Variants in PAN3 observed in about 807,000 individuals in gnomAD.
The protein encoded by PAN3 is poly(A) specific ribonuclease subunit PAN3.
A neutral mutation model predicts 96.2 loss-of-function variants in PAN3; 19 were observed. The ratio of observed to expected loss-of-function variants is 0.20; its 90% CI spans 0.14 to 0.29. PAN3 has a LOEUF of 0.29. PAN3 is among the 10% of genes least tolerant of loss of function. PAN3 has a pLI of 1.00. For missense variants in PAN3, 882 were observed against 1,108.1 expected, an observed-to-expected ratio of 0.80 and a Z score of 2.90; for synonymous variants, 433 against 406.6, an observed-to-expected ratio of 1.06 and a Z score of -0.78.
At position 28,146,620 on chromosome 13, in the gene PAN3, A is replaced by G. The variant is rs1870691849; in HGVS notation, c.430+7533A>G. On this transcript the variant is annotated intron_variant, in intron 1 of 18. Transcript: ENST00000380958. ...TGTTGCTTCTAGGCCACAAATTTGT[A>G]CAGCCTGTTACTGTACTGAATACTT... Among the ~76,000 whole-genome samples, 3 of 152,302 alleles carry G rather than the reference A, an allele frequency of 2.0e-5. No homozygotes were observed. The South Asian group carries it at 6.2e-4, about 32-fold the overall frequency.
intron 6 of PAN3, among the ~76,000 whole-genome samples, chr13:28,229,280 A>G (rs1044693259): frequency 6.6e-6 from 1 of 152,216 alleles, no homozygotes; most frequent in African/African-American, 2.4e-5. Flanking sequence ...AGCAGCTGCA[A>G]TAACTGATTT....
chr13:28,138,856 C>G lies in PAN3; in HGVS notation c.199C>G (p.Leu67Val), dbSNP rs757928675. 1 of 1,426,722 alleles carries G rather than the reference C, an allele frequency of 7.0e-7. No homozygotes were observed. The highest frequency in any genetic ancestry group is 1.5e-5 in the African/African-American group (1 of 67,490). The allele number at this position is 1,426,722 out of a possible 1,614,324, so 88.4% of individuals were successfully genotyped here. The change falls in exon 1 of 19, where the codon CTG becomes GTG. Residue 67 changes from leucine (L) to valine (V), a missense_variant. Physicochemically the swap from Leu to Val is conservative, Grantham distance 32. Around this residue, in one of 3 missense-constraint regions of PAN3, gnomAD observed 442 missense variants for 422.8 expected, o/e 1.05. Coordinates refer to ENST00000380958, the MANE Select transcript of PAN3 (RefSeq NM_175854.8). ...CTTCTACGGGGAGGAGTGTCAGTTC[C>G]TGCATGAGGACCCTGCCGCCGGGGC... ...TCFYGEECQFLHEDPAAGAAP... is the reference protein window; with the variant it reads ...TCFYGEECQFVHEDPAAGAAP...
chr13:28,230,428 A>C (rs530322954), intron 6 of PAN3, among the ~76,000 whole-genome samples: 1 of 152,130 alleles, frequency 6.6e-6, no homozygotes, highest in East Asian at 1.9e-4. Flanking sequence ...GAAAAAAAAA[A>C]CAACCCTATG....
At chr13:28,166,872 A>G (rs1224066526) in intron 1 of PAN3, among the ~76,000 whole-genome samples, 3 of 152,116 alleles carry the variant, frequency 2.0e-5, no homozygotes, top group African/African-American at 7.2e-5. Flanking sequence ...AAGGGAGCAG[A>G]GATGTGAGGC....
chr13:28,232,635 TA>T (rs899843586), intron 6 of PAN3: 4 of 151,774 alleles, frequency 2.6e-5, no homozygotes, highest in Non-Finnish European at 5.9e-5. Context: ...TTATAAAGAT[TA>T]AAAAATAAAA....
intron 1 of PAN3, among the ~76,000 whole-genome samples, chr13:28,162,647 A>T (rs1028906058): frequency 3.1e-5 from 4 of 128,256 alleles, no homozygotes; most frequent in Non-Finnish European, 1.5e-5. Context: ...ACTCTGCCTT[A>T]AAAAAAAAAA....
intron 5 of PAN3, among the ~76,000 whole-genome samples, chr13:28,209,407 C>T (rs1247372274): frequency 6.6e-6 from 1 of 152,228 alleles, no homozygotes; most frequent in East Asian, 1.9e-4. Flanking sequence ...AACTATTTTA[C>T]ATAAATAGCA....
Position 28,270,869 on chromosome 13 carries a change from A to G in PAN3, c.1958+3A>G. ...ATTCTGATAACTGGCAAAACAAGGTACTAGCATTTTGAGTTTTGGTTTCTT... is the reference window on the plus strand; with the variant it reads ...ATTCTGATAACTGGCAAAACAAGGTGCTAGCATTTTGAGTTTTGGTTTCTT... On this transcript the variant is annotated splice_donor_region_variant and intron_variant, in intron 13 of 18. Coordinates refer to ENST00000380958, the MANE Select transcript of PAN3 (RefSeq NM_175854.8). 1.2e-6 allele frequency: 2 copies of G among 1,612,426 alleles called. No individual in the cohort carries two copies. The highest frequency in any genetic ancestry group is 1.7e-6 in the Non-Finnish European group (2 of 1,178,916).
At position 28,138,583 on chromosome 13, in the gene PAN3, C is replaced by T. The variant is rs1869094104; in HGVS notation, c.-75C>T. The T allele has an allele frequency of 8.8e-6, 4 of 452,818 alleles. No individual in the cohort carries two copies. Among genetic ancestry groups the T allele is most frequent in the East Asian group, 3.7e-5 (1 of 26,924 alleles). The allele number at this position is 452,818 out of a possible 1,614,324, so 28.1% of individuals were successfully genotyped here. A position where few individuals can be genotyped will look rare whatever the true frequency, so the allele number is the denominator to read the frequency against. On this transcript the variant is annotated 5_prime_UTR_variant, in exon 1 of 19. Transcript: ENST00000380958. ...TTTATCCGGCACCGGCAGCGTCTTC[C>T]TTTCCTCCCCCGTCTATGGTGGTGG...
chr13:28,219,275 T>C (rs1881130263), intron 5 of PAN3, among the ~76,000 whole-genome samples: 1 of 152,218 alleles, frequency 6.6e-6, no homozygotes, highest in African/African-American at 2.4e-5. Context: ...CTAGTGTATT[T>C]TAATTAAGCC....
chr13:28,178,023 A>G (rs1250672061), intron 4 of PAN3, 88 bp downstream of exon 4: 2 of 1,198,972 alleles, frequency 1.7e-6, no homozygotes, highest in African/African-American at 3.0e-5. Flanking sequence ...TGTTTTTGTA[A>G]GTGGAGGGAG....
chr13:28,139,221 T>A, intron 1 of PAN3, 134 bp downstream of exon 1: 1 of 1,041,530 alleles, frequency 9.6e-7, no homozygotes, highest in Non-Finnish European at 1.2e-6. Flanking sequence ...CTGAGAGGCC[T>A]AGGCCGGGCC....
At chr13:28,223,554 T>TTTTTTTG (rs970707089) in intron 6 of PAN3, among the ~76,000 whole-genome samples, 2 of 152,030 alleles carry the variant, frequency 1.3e-5, no homozygotes, top group Non-Finnish European at 2.9e-5. Context: ...CCACTGTTTT[T>TTTTTTTG]TTTTTTGTTT....
rs1219303444 is a variant in PAN3 at position 28,266,882 on chromosome 13, G to A, written c.1573+6G>A. The A allele has an allele frequency of 6.4e-7, 1 of 1,569,642 alleles. No homozygotes were observed. Among genetic ancestry groups the A allele is most frequent in the Non-Finnish European group, 8.6e-7 (1 of 1,160,136 alleles). On this transcript the variant is annotated splice_donor_region_variant and intron_variant, in intron 10 of 18. Transcript: ENST00000380958. ...TTGCCTTCGGAGGATACATGGTAAG[G>A]AAGATAAGTTATCTTCTTTTATAAT...
At chr13:28,266,545 C>T (rs916172306) in intron 9 of PAN3, among the ~76,000 whole-genome samples, 170 bp from the exon 10 acceptor site, 1 of 152,068 alleles carries the variant, frequency 6.6e-6, no homozygotes, top group Non-Finnish European at 1.5e-5. Context: ...TTTATTGATA[C>T]TGAAGCTAGT....
intron 4 of PAN3, among the ~76,000 whole-genome samples, chr13:28,194,010 A>G (rs1044636161): frequency 6.6e-6 from 1 of 151,996 alleles, no homozygotes; most frequent in African/African-American, 2.4e-5. Flanking sequence ...TAGAAAAATT[A>G]GCCAGGTGTG....
chr13:28,292,059 T>A (rs1312095618), intron 18 of PAN3, among the ~76,000 whole-genome samples: 1 of 152,184 alleles, frequency 6.6e-6, no homozygotes, highest in East Asian at 1.9e-4. Context: ...AAAAATTAAG[T>A]AGATGAGTAT....
intron 1 of PAN3, among the ~76,000 whole-genome samples, chr13:28,159,521 T>C (rs1036588416): frequency 2.6e-5 from 4 of 152,200 alleles, no homozygotes; most frequent in Non-Finnish European, 4.4e-5. Context: ...AAATCTTGGC[T>C]CACTGCAACC....
intron 17 of PAN3, among the ~76,000 whole-genome samples, chr13:28,284,181 C>CA (rs1566260543): frequency 1.3e-5 from 2 of 152,110 alleles, no homozygotes; most frequent in African/African-American, 4.8e-5. Context: ...TTTTTGTCAA[C>CA]CTTGTAGGTG....
Sources: allele counts gnomAD v4.1 joint callset (sites outside exome capture counted in the v4.1 genomes callset), GRCh38; gene constraint gnomAD v4.1.1; regional missense constraint gnomAD v4.1.1; transcripts MANE v1.5; gene names NCBI Gene and HGNC (gene_info 2026-07-23, HGNC 2026-07-21).